Variants in PLCB4 observed in about 807,000 individuals in gnomAD.
The protein encoded by PLCB4 is phospholipase C beta 4, also known as 1-phosphatidylinositol 4,5-bisphosphate phosphodiesterase beta-4.
Under a neutral mutation model 178.8 loss-of-function variants are expected in PLCB4, and 77 were observed. The observed-to-expected ratio is 0.43, with a 90% CI of 0.36 to 0.52. PLCB4 has a LOEUF of 0.52. Ranked by LOEUF, PLCB4 falls within the 20% of genes least tolerant of loss-of-function variation. The pLI, the probability that PLCB4 is intolerant of heterozygous loss-of-function variation, is 0.00. For synonymous variants in PLCB4, 496 were observed against 490.8 expected (o/e 1.01, Z -0.14); for missense variants, 1,024 against 1,453.4 (o/e 0.70, Z 4.80).
chr20:9,337,873 T>A, intron 5 of PLCB4, 135 bp from the exon 6 acceptor site: 1 of 579,392 alleles, frequency 1.7e-6, no homozygotes, highest in Non-Finnish European at 3.2e-6. Flanking sequence ...TATTGTTACA[T>A]GGTTTTAATT....
intron 3 of PLCB4, among the ~76,000 whole-genome samples, chr20:9,245,550 G>A (rs116467044): frequency 0.022 from 3,388 of 152,222 alleles, 130 homozygotes; most frequent in African/African-American, 0.075. Context: ...AGGAGAGGGT[G>A]ATATTAAGAT....
rs543695356 is a variant in PLCB4, at chr20:9,140,630, G to C, written c.-79+44288G>C. Among the ~76,000 whole-genome samples the C allele has an allele frequency of 4.6e-5, 7 of 151,992 alleles. No homozygotes were observed. In the East Asian group the frequency reaches 9.8e-4, roughly 21 times the overall value. On this transcript the variant is annotated intron_variant, in intron 2 of 39. Coordinates refer to ENST00000378473, the MANE Select transcript of PLCB4 (RefSeq NM_001377142.1). ...TCCCCGTAGTAATGAGTGAGTTCTT[G>C]TTCTATTAATTCACGTGAGAGCTGG...
At position 9,069,830 on chromosome 20, in the gene PLCB4, C is replaced by T. The variant is rs188405831; in HGVS notation, c.-135+624C>T. Among the ~76,000 whole-genome samples the T allele has an allele frequency of 3.8e-4, 58 of 152,288 alleles. No individual in the cohort carries two copies. The East Asian group carries it at 9.2e-3, about 24-fold the overall frequency. On this transcript the variant is annotated intron_variant, in intron 1 of 39. Coordinates refer to ENST00000378473, the MANE Select transcript of PLCB4 (RefSeq NM_001377142.1). The stretch of plus-strand genomic sequence containing the variant: ...AATTTCCAAGTGTGTTTAAGTGCAA[C>T]TTTATCTAGAATCATAAAACTAGCA...
intron 3 of PLCB4, among the ~76,000 whole-genome samples, chr20:9,277,726 A>G (rs886845842): frequency 3.3e-5 from 5 of 152,108 alleles, no homozygotes; most frequent in African/African-American, 1.2e-4. Context: ...GAGAAGGGAC[A>G]TAATGACCGA....
At chr20:9,470,888 T>G (rs1029779899) in intron 36 of PLCB4, among the ~76,000 whole-genome samples, 5 of 152,230 alleles carry the variant, frequency 3.3e-5, no homozygotes, top group African/African-American at 9.6e-5. Context: ...TATCTACAAA[T>G]TGGCTGTTTT....
At chr20:9,470,129 G>A (rs1329593326) in intron 36 of PLCB4, among the ~76,000 whole-genome samples, 1 of 152,230 alleles carries the variant, frequency 6.6e-6, no homozygotes, top group East Asian at 1.9e-4. Context: ...AGGAGTTTGG[G>A]ACCAGCTTGA....
rs146130335 is a variant in PLCB4 at position 9,295,300 on chromosome 20, G to A, written c.-15-12500G>A. 3.1e-3 allele frequency among the ~76,000 whole-genome samples: 475 copies of A among 152,190 alleles called. 2 individuals carry two copies. The highest frequency in any genetic ancestry group is 0.011 in the African/African-American group (458 of 41,520). On this transcript the variant is annotated intron_variant, in intron 3 of 39. Coordinates refer to ENST00000378473, the MANE Select transcript of PLCB4 (RefSeq NM_001377142.1). ...GGGAGAAGTTGTTGCTTTCCTGCGC[G>A]GTAAAGTATAGACATCCACCATGTA...
At chr20:9,311,121 C>T (rs940430362) in intron 4 of PLCB4, among the ~76,000 whole-genome samples, 2 of 152,168 alleles carry the variant, frequency 1.3e-5, no homozygotes, top group African/African-American at 4.8e-5. Context: ...ACTCAACCAG[C>T]CCCCTGACTT....
At chr20:9,267,790 G>A (rs564752425) in intron 3 of PLCB4, among the ~76,000 whole-genome samples, 5 of 152,138 alleles carry the variant, frequency 3.3e-5, no homozygotes, top group African/African-American at 1.2e-4. Context: ...CTTGATTCAT[G>A]ATGGCCCTGC....
chr20:9,437,157 G>T lies in PLCB4; in HGVS notation c.2764+5G>T. 6.2e-7 allele frequency: 1 copy of T among 1,613,306 alleles called. No individual in the cohort carries two copies. Among genetic ancestry groups the T allele is most frequent in the Non-Finnish European group, 8.5e-7 (1 of 1,179,518 alleles). On this transcript the variant is annotated splice_donor_5th_base_variant and intron_variant, in intron 30 of 39. Coordinates refer to ENST00000378473, the MANE Select transcript of PLCB4 (RefSeq NM_001377142.1). ...CTGGTGTGGAAGCCAAGAAAGGTGA[G>T]AGAGAGCCGTTGGGTTCCTTATCTT...
At chr20:9,141,803 A>G (rs767662382) in intron 2 of PLCB4, among the ~76,000 whole-genome samples, 1 of 152,114 alleles carries the variant, frequency 6.6e-6, no homozygotes, top group Admixed American at 6.6e-5. Flanking sequence ...GTGTTTTTAT[A>G]GAAAGGCTAG....
chr20:9,070,798 T>G (rs2089533572), intron 1 of PLCB4, among the ~76,000 whole-genome samples: 1 of 152,314 alleles, frequency 6.6e-6, no homozygotes, highest in South Asian at 2.1e-4. Flanking sequence ...TCCTTCCAAC[T>G]ATATTATTAC....
intron 2 of PLCB4, among the ~76,000 whole-genome samples, chr20:9,207,809 G>A (rs1207432836): frequency 6.6e-6 from 1 of 152,144 alleles, no homozygotes; most frequent in Non-Finnish European, 1.5e-5. Context: ...GTGGAAGAGG[G>A]TTTAGAAGGA....
At chr20:9,345,184 C>T (rs2033666631) in intron 7 of PLCB4, among the ~76,000 whole-genome samples, 1 of 152,026 alleles carries the variant, frequency 6.6e-6, no homozygotes, top group African/African-American at 2.4e-5. Flanking sequence ...AGTGAAACTC[C>T]ATCTCAAAAA....
chr20:9,387,656 A>G, intron 15 of PLCB4, 100 bp downstream of exon 15: 1 of 580,944 alleles, frequency 1.7e-6, no homozygotes, highest in Middle Eastern at 4.5e-4. Context: ...TTTCTCAAGC[A>G]TTATGCCTTC....
At chr20:9,077,184 G>A (rs1337904598) in intron 1 of PLCB4, among the ~76,000 whole-genome samples, 4 of 152,180 alleles carry the variant, frequency 2.6e-5, no homozygotes, top group Admixed American at 6.6e-5. Context: ...AAATTTGATA[G>A]TACGGATGTA....
chr20:9,165,285 C>T (rs185125472), intron 2 of PLCB4, among the ~76,000 whole-genome samples: 66 of 152,252 alleles, frequency 4.3e-4, no homozygotes, highest in Non-Finnish European at 7.5e-4. Context: ...TGCTTCCATT[C>T]GCTATACTTT....
At chr20:9,101,288 C>T (rs2091140817) in intron 2 of PLCB4, among the ~76,000 whole-genome samples, 1 of 152,176 alleles carries the variant, frequency 6.6e-6, no homozygotes, top group Non-Finnish European at 1.5e-5. Flanking sequence ...CTATCGTCCT[C>T]TTTCCTGTGG....
chr20:9,255,875 T>C (rs1340252484), intron 3 of PLCB4, among the ~76,000 whole-genome samples: 1 of 152,092 alleles, frequency 6.6e-6, no homozygotes, highest in Non-Finnish European at 1.5e-5. Flanking sequence ...TGACCATAGT[T>C]TGTCAACTGC....
Sources: allele counts gnomAD v4.1 joint callset (sites outside exome capture counted in the v4.1 genomes callset), GRCh38; gene constraint gnomAD v4.1.1; transcripts MANE v1.5; gene names NCBI Gene and HGNC (gene_info 2026-07-23, HGNC 2026-07-21).